The following FBXL7 variants were observed in gnomAD, a reference collection of about 807,000 sequenced individuals.
The protein encoded by FBXL7 is F-box and leucine rich repeat protein 7.
A neutral mutation model predicts 38.3 loss-of-function variants in FBXL7; 12 were observed. The ratio of observed to expected loss-of-function variants is 0.31; its 90% CI spans 0.20 to 0.51. FBXL7 has a LOEUF of 0.51. Ranked by LOEUF, FBXL7 falls within the 20% of genes least tolerant of loss-of-function variation. The pLI, the probability that FBXL7 is intolerant of heterozygous loss-of-function variation, is 0.98. For synonymous variants in FBXL7, 297 were observed against 300.9 expected (o/e 0.99, Z 0.13); for missense variants, 567 against 676.4 (o/e 0.84, Z 1.79).
At chr5:15,613,086 TAAA>T (rs1187434842) in intron 1 of FBXL7, among the ~76,000 whole-genome samples, 1 of 152,202 alleles carries the variant, frequency 6.6e-6, no homozygotes, top group Non-Finnish European at 1.5e-5. Context: ...AACAATATAA[TAAA>T]AATAATTTAA....
intron 1 of FBXL7, among the ~76,000 whole-genome samples, chr5:15,520,558 G>T (rs941063803): frequency 2.0e-5 from 3 of 152,102 alleles, no homozygotes; most frequent in African/African-American, 7.2e-5. Flanking sequence ...CCAGATTCTG[G>T]CACATTTATA....
intron 1 of FBXL7, among the ~76,000 whole-genome samples, chr5:15,600,531 A>C (rs1739759572): frequency 6.6e-6 from 1 of 152,168 alleles, no homozygotes; most frequent in South Asian, 2.1e-4. Flanking sequence ...CTCTTTACCA[A>C]AAAGGACTGT....
intron 2 of FBXL7, among the ~76,000 whole-genome samples, chr5:15,884,891 T>C (rs2126350188): frequency 6.6e-6 from 1 of 152,330 alleles, no homozygotes; most frequent in African/African-American, 2.4e-5. Context: ...GTGTTTACCC[T>C]TTTTAAAAAC....
intron 2 of FBXL7, among the ~76,000 whole-genome samples, chr5:15,808,135 A>AT (rs60387749): frequency 0.57 from 85,879 of 151,002 alleles, 24,969 homozygotes; most frequent in Non-Finnish European, 0.64. Context: ...CTAATTTATG[A>AT]TTTTTTTTTC....
intron 2 of FBXL7, among the ~76,000 whole-genome samples, chr5:15,772,900 TG>T (rs1736764975): frequency 6.9e-6 from 1 of 144,494 alleles, no homozygotes; most frequent in Non-Finnish European, 1.5e-5. Flanking sequence ...TGTGAGACTT[TG>T]TTTTTTTTTT....
intron 2 of FBXL7, among the ~76,000 whole-genome samples, chr5:15,768,930 A>G (rs1033344842): frequency 6.6e-6 from 1 of 152,250 alleles, no homozygotes; most frequent in African/African-American, 2.4e-5. Flanking sequence ...TTATCAAAAC[A>G]ACAAACAGTA....
At chr5:15,554,107 A>G (rs751466053) in intron 1 of FBXL7, among the ~76,000 whole-genome samples, 4 of 152,116 alleles carry the variant, frequency 2.6e-5, no homozygotes, top group Non-Finnish European at 4.4e-5. Context: ...TTAGGTGTCC[A>G]TCCCAGACCC....
chr5:15,669,119 C>G (rs1382628304), intron 2 of FBXL7, among the ~76,000 whole-genome samples: 1 of 152,034 alleles, frequency 6.6e-6, no homozygotes, highest in Non-Finnish European at 1.5e-5. Flanking sequence ...GTGTTCCTTC[C>G]CAGTGTTCAC....
chr5:15,897,380 T>C (rs1213931622), intron 2 of FBXL7, among the ~76,000 whole-genome samples: 2 of 152,228 alleles, frequency 1.3e-5, no homozygotes, highest in African/African-American at 2.4e-5. Flanking sequence ...TCTGTAGATG[T>C]TGGAAAATAG....
chr5:15,619,151 A>C (rs1295960627), intron 2 of FBXL7, among the ~76,000 whole-genome samples: 1 of 152,156 alleles, frequency 6.6e-6, no homozygotes, highest in African/African-American at 2.4e-5. Flanking sequence ...AGTTGTACGC[A>C]TGCCCATCTG....
chr5:15,651,766 C>T (rs1741717057), intron 2 of FBXL7, among the ~76,000 whole-genome samples: 1 of 152,164 alleles, frequency 6.6e-6, no homozygotes, highest in African/African-American at 2.4e-5. Context: ...CTACATTGGC[C>T]TCTATCAAGA....
intron 2 of FBXL7, among the ~76,000 whole-genome samples, chr5:15,677,012 T>G (rs1480543987): frequency 6.6e-6 from 1 of 152,238 alleles, no homozygotes. Context: ...AGACATTAAG[T>G]GCTTGTGGTA....
intron 2 of FBXL7, among the ~76,000 whole-genome samples, chr5:15,864,378 G>A (rs969359335): frequency 1.3e-5 from 2 of 151,444 alleles, no homozygotes; most frequent in African/African-American, 2.4e-5. Flanking sequence ...CTTGTACTTG[G>A]TGGTCATTAG....
At chr5:15,925,657 G>A (rs570298303) in intron 2 of FBXL7, among the ~76,000 whole-genome samples, 13 of 152,292 alleles carry the variant, frequency 8.5e-5, no homozygotes, top group East Asian at 1.9e-4. Context: ...TAAATCTTGA[G>A]AACTATAATT....
intron 2 of FBXL7, among the ~76,000 whole-genome samples, chr5:15,814,380 G>A (rs1737954748): frequency 6.6e-6 from 1 of 152,066 alleles, no homozygotes; most frequent in South Asian, 2.1e-4. Context: ...CGAACAATGA[G>A]AACACATGGA....
At chr5:15,528,425 G>A (rs1195307769) in intron 1 of FBXL7, among the ~76,000 whole-genome samples, 1 of 152,104 alleles carries the variant, frequency 6.6e-6, no homozygotes, top group Non-Finnish European at 1.5e-5. Flanking sequence ...AAGACATACT[G>A]GAGACTGGGT....
At chr5:15,913,074 G>A (rs6879193) in intron 2 of FBXL7, among the ~76,000 whole-genome samples, 23,667 of 151,954 alleles carry the variant, frequency 0.16, 1,945 homozygotes, top group African/African-American at 0.21. Flanking sequence ...CTATATCCTT[G>A]GGTCACTGGT....
At position 15,604,536 on chromosome 5, in the gene FBXL7, G is replaced by A. The variant is rs1429234858; in HGVS notation, c.38-11447G>A. ...CACCTGCCTAATATTTGTATTTTTA[G>A]TACAGACAGGGTTTCGCCATGTTGG... On this transcript the variant is annotated intron_variant, in intron 1 of 3. Coordinates refer to ENST00000504595, the MANE Select transcript of FBXL7 (RefSeq NM_012304.5). Among the ~76,000 whole-genome samples, 3 of 152,018 alleles carry A rather than the reference G, an allele frequency of 2.0e-5. No homozygotes were observed. The East Asian group carries it at 5.8e-4, about 29-fold the overall frequency.
chr5:15,592,105 G>A (rs1028575083), intron 1 of FBXL7, among the ~76,000 whole-genome samples: 1 of 152,142 alleles, frequency 6.6e-6, no homozygotes, highest in Non-Finnish European at 1.5e-5. Context: ...TAACCTTTGA[G>A]CTGAACAAGT....
Sources: gnomAD v4.1 joint callset for allele counts (sites outside exome capture counted in the v4.1 genomes callset) on GRCh38, gnomAD v4.1.1 for gene constraint, MANE v1.5 for transcripts, NCBI Gene and HGNC (gene_info 2026-07-23, HGNC 2026-07-21) for gene names.